PLPPR5: variants seen among roughly 807,000 people sequenced by gnomAD.
The protein encoded by PLPPR5 is phospholipid phosphatase-related protein type 5.
In PLPPR5, 16 loss-of-function variants were observed where a neutral mutation model predicts 33.9. The ratio of observed to expected loss-of-function variants is 0.47; its 90% confidence interval spans 0.32 to 0.72. PLPPR5 has a LOEUF of 0.72. PLPPR5 is among the 30% of genes least tolerant of loss of function. PLPPR5 has a pLI of 0.03. For missense variants in PLPPR5, 301 were observed against 406.7 expected, an observed-to-expected ratio of 0.74 and a Z score of 2.23; for synonymous variants, 163 against 150.3, an observed-to-expected ratio of 1.08 and a Z score of -0.62.
chr1:98,958,080 A>G (rs1249797036), intron 1 of PLPPR5, among the ~76,000 whole-genome samples: 1 of 152,226 alleles, frequency 6.6e-6, no homozygotes, highest in Non-Finnish European at 1.5e-5. Context: ...GAACAACAGC[A>G]TGAGAAATAA....
chr1:99,003,056 C>CATATATATATATATAT (rs59686592), intron 1 of PLPPR5, among the ~76,000 whole-genome samples: 1 of 81,116 alleles, frequency 1.2e-5, no homozygotes, highest in Non-Finnish European at 2.2e-5. Flanking sequence ...ACTTATTTTA[C>CATATATATATATATAT]ATATATATAT....
At chr1:98,913,252 T>A (rs80134928) in intron 5 of PLPPR5, among the ~76,000 whole-genome samples, 1 of 152,188 alleles carries the variant, frequency 6.6e-6, no homozygotes, top group African/African-American at 2.4e-5. Context: ...GTTGAGTACA[T>A]CCCAAAAACA....
intron 4 of PLPPR5, among the ~76,000 whole-genome samples, chr1:98,915,570 A>T (rs1381769144): frequency 1.3e-5 from 2 of 151,456 alleles, no homozygotes; most frequent in Non-Finnish European, 2.9e-5. Flanking sequence ...ATAAAATTTT[A>T]AAAATAAAAA....
At chr1:99,003,947 G>A (rs1252561714) in intron 1 of PLPPR5, among the ~76,000 whole-genome samples, 8 of 152,164 alleles carry the variant, frequency 5.3e-5, no homozygotes, top group Non-Finnish European at 1.2e-4. Flanking sequence ...GGGAGGTGGC[G>A]AAATAGAAAT....
chr1:98,923,003 A>C (rs530564030), intron 3 of PLPPR5, among the ~76,000 whole-genome samples: 1 of 141,818 alleles, frequency 7.1e-6, no homozygotes, highest in East Asian at 2.0e-4. Context: ...CAACAACAAC[A>C]AAAAAAAACC....
intron 3 of PLPPR5, among the ~76,000 whole-genome samples, chr1:98,924,039 T>C (rs902929829): frequency 6.6e-6 from 1 of 152,230 alleles, no homozygotes; most frequent in Non-Finnish European, 1.5e-5. Flanking sequence ...TTTCTTTACA[T>C]CTGTTAACAC....
intron 5 of PLPPR5, among the ~76,000 whole-genome samples, chr1:98,910,732 C>T (rs79867678): frequency 0.024 from 3,675 of 152,130 alleles, 66 homozygotes; most frequent in Non-Finnish European, 0.025. Context: ...CACTAACACG[C>T]GCACATCACA....
rs1302366640 is a variant in PLPPR5 at position 98,919,014 on chromosome 1, ATATGGTATACTGCACAG to A, written c.798+2851_798+2867del. ...AGCAAAGCAAAACCAAAAATGCTCC[ATATGGTATACTGCACAG>A]TAATTTATTACACATTAGTTAATAT... On this transcript the variant is annotated intron_variant, in intron 4 of 5. Coordinates refer to ENST00000263177, the MANE Select transcript of PLPPR5 (RefSeq NM_001037317.2). Among the ~76,000 whole-genome samples, 3 of 152,358 alleles carry A rather than the reference ATATGGTATACTGCACAG, an allele frequency of 2.0e-5. No homozygotes were observed. In the East Asian group the frequency reaches 5.8e-4, roughly 29 times the overall value.
At chr1:98,918,412 C>T (rs922949679) in intron 4 of PLPPR5, among the ~76,000 whole-genome samples, 3 of 152,114 alleles carry the variant, frequency 2.0e-5, no homozygotes, top group Non-Finnish European at 4.4e-5. Flanking sequence ...TTTTGTGGCT[C>T]AATAAACTTG....
intron 1 of PLPPR5, among the ~76,000 whole-genome samples, chr1:98,987,184 A>T (rs1008067333): frequency 1.1e-4 from 17 of 151,752 alleles, no homozygotes; most frequent in African/African-American, 4.1e-4. Flanking sequence ...CCTGATCTCA[A>T]GTTAACTTTG....
At chr1:98,974,820 C>T (rs1179449456) in intron 1 of PLPPR5, among the ~76,000 whole-genome samples, 9 of 152,020 alleles carry the variant, frequency 5.9e-5, no homozygotes, top group African/African-American at 2.4e-5. Flanking sequence ...ATTAGCAGAT[C>T]CCTATTCCTG....
At chr1:98,997,630 G>C (rs971011030) in intron 1 of PLPPR5, among the ~76,000 whole-genome samples, 1 of 151,976 alleles carries the variant, frequency 6.6e-6, no homozygotes, top group African/African-American at 2.4e-5. Flanking sequence ...TTTAATCTTT[G>C]CTATTCTTTC....
At chr1:98,929,003 T>C (rs1248050817) in intron 3 of PLPPR5, among the ~76,000 whole-genome samples, 1 of 152,144 alleles carries the variant, frequency 6.6e-6, no homozygotes, top group Non-Finnish European at 1.5e-5. Context: ...TGTTTTGTAT[T>C]TTATTGATAC....
intron 5 of PLPPR5, 31 bp downstream of exon 5, chr1:98,914,754 TA>T: frequency 6.3e-7 from 1 of 1,575,580 alleles, no homozygotes; most frequent in South Asian, 1.1e-5. Flanking sequence ...TTGCTCTAGT[TA>T]TTATAATTTA....
chr1:98,929,020 A>G (rs1353001678), intron 3 of PLPPR5, among the ~76,000 whole-genome samples: 1 of 152,086 alleles, frequency 6.6e-6, no homozygotes, highest in Non-Finnish European at 1.5e-5. Flanking sequence ...ATACCTTTAG[A>G]GACTTAGGAG....
chr1:99,003,422 G>C (rs1275793020), intron 1 of PLPPR5, among the ~76,000 whole-genome samples: 4 of 151,820 alleles, frequency 2.6e-5, no homozygotes, highest in Non-Finnish European at 5.9e-5. Context: ...TTTCCCGTTT[G>C]TTATCTGTTG....
At chr1:98,972,756 C>T (rs557581656) in intron 1 of PLPPR5, among the ~76,000 whole-genome samples, 2 of 152,064 alleles carry the variant, frequency 1.3e-5, no homozygotes, top group South Asian at 4.1e-4. Flanking sequence ...CATCTTTTGC[C>T]TCAAGTGATG....
At chr1:98,955,712 T>C (rs1650980506) in intron 2 of PLPPR5, among the ~76,000 whole-genome samples, 2 of 152,084 alleles carry the variant, frequency 1.3e-5, no homozygotes, top group Non-Finnish European at 2.9e-5. Flanking sequence ...TCATCCTGAA[T>C]CCTTCAATAT....
chr1:98,901,691 T>C (rs1433872757), intron 5 of PLPPR5, among the ~76,000 whole-genome samples: 1 of 152,126 alleles, frequency 6.6e-6, no homozygotes, highest in Non-Finnish European at 1.5e-5. Context: ...AGAACAATGT[T>C]CTCCATTGTT....
Sources: allele counts gnomAD v4.1 joint callset (sites outside exome capture counted in the v4.1 genomes callset), GRCh38; gene constraint gnomAD v4.1.1; transcripts MANE v1.5; gene names NCBI Gene and HGNC (gene_info 2026-07-23, HGNC 2026-07-21).